Variants in ELF1 observed in about 807,000 individuals in gnomAD.
The protein encoded by ELF1 is ETS-related transcription factor Elf-1.
In ELF1, 24 loss-of-function variants were observed where a neutral mutation model predicts 59.9. The ratio of observed to expected loss-of-function variants is 0.40; its 90% CI spans 0.29 to 0.56. The LOEUF (loss-of-function observed/expected upper bound fraction) is 0.56, where lower values mean the gene tolerates loss of function less well. Among genes scored for constraint, ELF1 ranks in the 20% least tolerant of loss-of-function variants. The pLI is 0.44. For missense variants in ELF1, 627 were observed against 742.2 expected (o/e 0.84, Z 1.80); for synonymous variants, 248 against 266.2 (o/e 0.93, Z 0.67).
Position 40,984,178 on chromosome 13 carries a change from T to C in ELF1, c.-228-1896A>G, listed in dbSNP as rs560166166. Among the ~76,000 whole-genome samples the C allele has an allele frequency of 1.5e-3, 230 of 152,322 alleles. 3 individuals carry two copies. The highest frequency in any genetic ancestry group is 3.4e-3 in the Middle Eastern group (1 of 294). On this transcript the variant is annotated intron_variant, in intron 1 of 8. Transcript: ENST00000239882. Reference sequence around the variant, plus strand: ...TGAAGCAAAACCTCTTCTGGGGAAATAACCATTGTCTAAAATTTCTTCTGT... The same window carrying C: ...TGAAGCAAAACCTCTTCTGGGGAAACAACCATTGTCTAAAATTTCTTCTGT...
At chr13:41,012,498 A>G (rs1875129539) in intron 1 of ELF1, among the ~76,000 whole-genome samples, 1 of 141,212 alleles carries the variant, frequency 7.1e-6, no homozygotes, top group Admixed American at 7.0e-5. Flanking sequence ...GTCTCATTTT[A>G]TTCCTTCTTT....
intron 8 of ELF1, among the ~76,000 whole-genome samples, chr13:40,935,246 C>A (rs936532523): frequency 6.6e-6 from 1 of 152,146 alleles, no homozygotes; most frequent in African/African-American, 2.4e-5. Flanking sequence ...GTTGAAAAAT[C>A]TCAGTATCTG....
chr13:40,959,542 T>C (rs1871679026), intron 2 of ELF1, among the ~76,000 whole-genome samples: 1 of 152,042 alleles, frequency 6.6e-6, no homozygotes, highest in African/African-American at 2.4e-5. Flanking sequence ...CATTAATGCA[T>C]AAGCATGAAC....
chr13:40,958,290 T>C lies in ELF1; in HGVS notation c.253+546A>G, dbSNP rs137928899. ...AGGACCTTATCGTACATTTGGGTCA[T>C]GGCCCACCATTTTGCTTCCTGTGGC... is the stretch of plus-strand genomic sequence containing the variant. On this transcript the variant is annotated intron_variant, in intron 3 of 8. Coordinates refer to ENST00000239882, the MANE Select transcript of ELF1 (RefSeq NM_172373.4). Among the ~76,000 whole-genome samples the C allele has an allele frequency of 2.6e-3, 397 of 152,342 alleles. 6 individuals carry two copies. In the East Asian group the frequency reaches 0.05, roughly 19 times the overall value.
intron 1 of ELF1, among the ~76,000 whole-genome samples, chr13:41,035,079 G>A (rs548702658): frequency 1.3e-5 from 2 of 152,344 alleles, no homozygotes; most frequent in South Asian, 2.1e-4. Context: ...TGCTCTCACA[G>A]TATTTTGTAA....
At chr13:40,946,399 G>A (rs1464575721) in intron 5 of ELF1, among the ~76,000 whole-genome samples, 4 of 151,848 alleles carry the variant, frequency 2.6e-5, no homozygotes, top group Admixed American at 6.6e-5. Context: ...CTTACATCTC[G>A]CCCTTCCTCA....
chr13:40,943,834 A>T lies in ELF1; in HGVS notation c.613+8T>A. On this transcript the variant is annotated splice_region_variant and intron_variant, in intron 6 of 8. Coordinates refer to ENST00000239882, the MANE Select transcript of ELF1 (RefSeq NM_172373.4). ...GTTATTTGACCTATAAGTATTACAC[A>T]GTAGTACCCTTTCCATCTTTGTTTT... 1 of 1,610,558 alleles carries T rather than the reference A, an allele frequency of 6.2e-7. No individual in the cohort carries two copies. Among genetic ancestry groups the T allele is most frequent in the Non-Finnish European group, 8.5e-7 (1 of 1,177,310 alleles).
chr13:41,008,653 A>T (rs1219398543), intron 1 of ELF1, among the ~76,000 whole-genome samples: 1 of 152,120 alleles, frequency 6.6e-6, no homozygotes, highest in African/African-American at 2.4e-5. Context: ...GTTCATTCAT[A>T]GGTTTTCAGA....
At chr13:41,056,821 G>A (rs1169120205) in intron 1 of ELF1, among the ~76,000 whole-genome samples, 4 of 152,170 alleles carry the variant, frequency 2.6e-5, no homozygotes, top group Admixed American at 2.6e-4. Flanking sequence ...AGCTAAAGTG[G>A]TCAGAAAAGA....
chr13:40,973,294 G>A (rs1053934616), intron 2 of ELF1, among the ~76,000 whole-genome samples: 5 of 152,096 alleles, frequency 3.3e-5, no homozygotes, highest in Non-Finnish European at 7.4e-5. Context: ...TGTTTTACCA[G>A]TCAAAATATT....
chr13:41,051,934 CTTTTT>C (rs757348738), intron 1 of ELF1, among the ~76,000 whole-genome samples: 3 of 127,250 alleles, frequency 2.4e-5, no homozygotes, highest in African/African-American at 5.9e-5. Flanking sequence ...TTCTTTTTCT[CTTTTT>C]TTTTTTTTTT....
intron 2 of ELF1, among the ~76,000 whole-genome samples, chr13:40,976,623 C>T (rs1872920520): frequency 1.3e-5 from 2 of 152,170 alleles, no homozygotes; most frequent in South Asian, 2.1e-4. Flanking sequence ...CTCACTGCAA[C>T]CTCCACCTAC....
At chr13:40,957,587 G>A (rs1871529764) in intron 3 of ELF1, among the ~76,000 whole-genome samples, 1 of 151,778 alleles carries the variant, frequency 6.6e-6, no homozygotes, top group Non-Finnish European at 1.5e-5. Flanking sequence ...CTCCAGCCAT[G>A]TAGGATGTGC....
intron 1 of ELF1, among the ~76,000 whole-genome samples, chr13:41,051,219 G>GA (rs896926137): frequency 1.3e-3 from 197 of 149,590 alleles, no homozygotes; most frequent in African/African-American, 4.6e-3. Flanking sequence ...AAAACAAAGG[G>GA]AAAAAAAAAC....
chr13:40,944,330 G>A (rs1300956513), intron 5 of ELF1, among the ~76,000 whole-genome samples: 5 of 152,120 alleles, frequency 3.3e-5, no homozygotes, highest in Admixed American at 2.0e-4. Flanking sequence ...AATTATACAA[G>A]CTTTTTAAGG....
At chr13:41,039,783 A>C (rs1876531758) in intron 1 of ELF1, among the ~76,000 whole-genome samples, 1 of 152,236 alleles carries the variant, frequency 6.6e-6, no homozygotes, top group Non-Finnish European at 1.5e-5. Context: ...ATGAGTACTC[A>C]TTATAAAATT....
At chr13:41,061,329 C>T (rs1593421298) in exon 1 of ELF1, 5 of 423,586 alleles carry the variant, frequency 1.2e-5, no homozygotes, top group Non-Finnish European at 2.2e-5. Flanking sequence ...GGCGGGATGG[C>T]GCAGGGACTT....
chr13:40,978,034 T>C (rs951965766), intron 2 of ELF1, among the ~76,000 whole-genome samples: 2 of 152,048 alleles, frequency 1.3e-5, no homozygotes, highest in South Asian at 2.1e-4. Flanking sequence ...CCTCACATCA[T>C]ACAAAAATAA....
At chr13:41,004,178 G>A (rs1874618448) in intron 1 of ELF1, among the ~76,000 whole-genome samples, 1 of 152,050 alleles carries the variant, frequency 6.6e-6, no homozygotes, top group African/African-American at 2.4e-5. Context: ...AATGTAAACA[G>A]ATAATTACAA....
Sources: gnomAD v4.1 joint callset for allele counts (sites outside exome capture counted in the v4.1 genomes callset) on GRCh38, gnomAD v4.1.1 for gene constraint, MANE v1.5 for transcripts, NCBI Gene and HGNC (gene_info 2026-07-23, HGNC 2026-07-21) for gene names.